SMYD3: variants seen among roughly 807,000 people sequenced by gnomAD.
SMYD3 encodes the protein histone-lysine N-methyltransferase SMYD3.
In SMYD3, 36 loss-of-function variants were observed where a neutral mutation model predicts 57.7. The observed-to-expected ratio is 0.62, with a 90% confidence interval of 0.48 to 0.82. The LOEUF is 0.82. Among genes scored for constraint, SMYD3 ranks in the 40% least tolerant of loss-of-function variants. The pLI is 0.00. For synonymous variants in SMYD3, 211 were observed against 195.0 expected (o/e 1.08, Z -0.68); for missense variants, 515 against 538.8 (o/e 0.96, Z 0.44).
In SMYD3 at chr1:246,355,181, G is replaced by A. The variant is rs539151493; in HGVS notation, c.165-87C>T. ...AGAAAGAAAACATAAGTCAACATAC[G>A]GACACCCGTATGTTCTGTTTACTCC... On this transcript the variant is annotated intron_variant, in intron 1 of 11. Coordinates refer to ENST00000490107, the MANE Select transcript of SMYD3 (RefSeq NM_001167740.2). This position sits in a 1 kb window ranked among gnomAD's most constrained non-coding sequence, Gnocchi z 5.0. 279 of 1,313,598 alleles carry A rather than the reference G, an allele frequency of 2.1e-4. 1 individual carries two copies. In the African/African-American group the frequency reaches 2.7e-3, roughly 12 times the overall value. The allele number at this position is 1,313,598 out of a possible 1,614,324, so 81.4% of individuals were successfully genotyped here. A position where few individuals can be genotyped will look rare whatever the true frequency, so the allele number is the denominator to read the frequency against.
intron 5 of SMYD3, among the ~76,000 whole-genome samples, chr1:246,040,899 C>T (rs2059859017): frequency 6.6e-6 from 1 of 152,052 alleles, no homozygotes; most frequent in Non-Finnish European, 1.5e-5. Flanking sequence ...GTCTTTTTCC[C>T]TCTCTGATAT....
At chr1:246,493,573 C>T (rs1244747469) in intron 1 of SMYD3, among the ~76,000 whole-genome samples, 1 of 152,186 alleles carries the variant, frequency 6.6e-6, no homozygotes. Context: ...TAAGCTTGAT[C>T]CTCAGCAATG....
chr1:245,983,820 C>T (rs2058648542), intron 5 of SMYD3, among the ~76,000 whole-genome samples: 1 of 152,106 alleles, frequency 6.6e-6, no homozygotes, highest in Non-Finnish European at 1.5e-5. Flanking sequence ...TTCAAGGAAT[C>T]AGTAGCAAGA....
At chr1:246,265,677 G>A (rs778065613) in intron 5 of SMYD3, among the ~76,000 whole-genome samples, 51 of 151,134 alleles carry the variant, frequency 3.4e-4, no homozygotes, top group Non-Finnish European at 6.9e-4. Context: ...AAACATGTCA[G>A]AAATATTGTG....
chr1:245,999,124 T>C lies in SMYD3; in HGVS notation c.532-69187A>G, dbSNP rs116318766. ...CACTGAATTATACACTCAGAGATCA[T>C]TCAAATCACAAACTTTATGTTAGAT... On this transcript the variant is annotated intron_variant, in intron 5 of 11. Transcript: ENST00000490107. 3.1e-3 allele frequency among the ~76,000 whole-genome samples: 468 copies of C among 152,012 alleles called. 1 individual carries two copies. Among genetic ancestry groups the C allele is most frequent in the African/African-American group, 0.011 (461 of 41,446 alleles).
At chr1:246,083,051 A>T (rs2060663426) in intron 5 of SMYD3, among the ~76,000 whole-genome samples, 1 of 151,764 alleles carries the variant, frequency 6.6e-6, no homozygotes, top group Admixed American at 6.6e-5. Flanking sequence ...ACAGTCTGAA[A>T]TATGGCCTCC....
rs112535855 is a variant in SMYD3, at chr1:245,976,881, G to A, written c.532-46944C>T. 6.9e-3 allele frequency among the ~76,000 whole-genome samples: 152 copies of A among 21,904 alleles called. 2 individuals are homozygous for A. The highest frequency in any genetic ancestry group is 0.056 in the Middle Eastern group (1 of 18). 14.4% of individuals were successfully genotyped at this position (21,904 alleles called of 152,430 possible). Reference sequence around the variant, plus strand: ...TAGCCTAGGGAAAGCCATCGTCTCCGGCCCAGGGAAAGCCATCGTCTCTAG... The same window carrying A: ...TAGCCTAGGGAAAGCCATCGTCTCCAGCCCAGGGAAAGCCATCGTCTCTAG... On this transcript the variant is annotated intron_variant, in intron 5 of 11. Transcript: ENST00000490107.
chr1:246,018,315 G>A (rs927625046), intron 5 of SMYD3, among the ~76,000 whole-genome samples: 3 of 152,012 alleles, frequency 2.0e-5, no homozygotes, highest in Non-Finnish European at 4.4e-5. Context: ...TCTCCTGCCC[G>A]GCTGCCAGGT....
At chr1:245,967,470 C>T (rs1304045827) in intron 5 of SMYD3, among the ~76,000 whole-genome samples, 3 of 152,114 alleles carry the variant, frequency 2.0e-5, no homozygotes, top group Non-Finnish European at 1.5e-5. Flanking sequence ...ACAAGCCATC[C>T]AAGAAAAGTC....
chr1:246,210,360 A>T (rs977985991), intron 5 of SMYD3, among the ~76,000 whole-genome samples: 3 of 152,150 alleles, frequency 2.0e-5, no homozygotes, highest in Non-Finnish European at 4.4e-5. Context: ...TAAATATGTG[A>T]GAACATAGGC....
chr1:246,043,769 T>C (rs1244630455), intron 5 of SMYD3, among the ~76,000 whole-genome samples: 1 of 152,132 alleles, frequency 6.6e-6, no homozygotes, highest in Non-Finnish European at 1.5e-5. Flanking sequence ...TCTGAGGAGG[T>C]AGTTCTTCCC....
At chr1:246,375,079 T>C (rs6426297) in intron 1 of SMYD3, among the ~76,000 whole-genome samples, 151,672 of 152,282 alleles carry the variant, frequency 1, 75,533 homozygotes, top group Middle Eastern at 1. Flanking sequence ...GGCAACAGAG[T>C]AAGACTCCGT....
chr1:246,261,889 C>G (rs2064020286), intron 5 of SMYD3, among the ~76,000 whole-genome samples: 1 of 152,158 alleles, frequency 6.6e-6, no homozygotes, highest in South Asian at 2.1e-4. Context: ...TCTGGCAATT[C>G]TTAAATCGGA....
At chr1:245,872,002 C>G (rs1420661661) in intron 8 of SMYD3, among the ~76,000 whole-genome samples, 1 of 152,190 alleles carries the variant, frequency 6.6e-6, no homozygotes, top group Non-Finnish European at 1.5e-5. Flanking sequence ...TCTTCCTCAA[C>G]GTAGTCATCC....
At chr1:246,118,642 A>G (rs1031519163) in intron 5 of SMYD3, among the ~76,000 whole-genome samples, 4 of 152,208 alleles carry the variant, frequency 2.6e-5, no homozygotes, top group African/African-American at 9.7e-5. Context: ...AAATCTTTGT[A>G]AATCAACATC....
intron 5 of SMYD3, among the ~76,000 whole-genome samples, chr1:246,154,273 T>G (rs910560171): frequency 1.8e-4 from 27 of 152,218 alleles, no homozygotes; most frequent in African/African-American, 5.8e-4. Context: ...ACATTTCTCT[T>G]ACTAAGTGAA....
At chr1:245,774,699 C>T (rs370194742) in intron 10 of SMYD3, among the ~76,000 whole-genome samples, 4,398 of 116,678 alleles carry the variant, frequency 0.038, 230 homozygotes, top group African/African-American at 0.13. Context: ...CTCCCTCTCC[C>T]TCTCCACGGT....
At chr1:245,815,599 G>A (rs1380213440) in intron 10 of SMYD3, among the ~76,000 whole-genome samples, 1 of 152,228 alleles carries the variant, frequency 6.6e-6, no homozygotes, top group Non-Finnish European at 1.5e-5. Context: ...TATCAACATA[G>A]CCAGATGGCT....
chr1:246,341,698 A>C (rs937538507), intron 2 of SMYD3, among the ~76,000 whole-genome samples: 5 of 152,208 alleles, frequency 3.3e-5, no homozygotes, highest in African/African-American at 4.8e-5. Flanking sequence ...AAATCAATTT[A>C]TTTCTTTCTT....
Sources: gnomAD v4.1 joint callset for allele counts (sites outside exome capture counted in the v4.1 genomes callset) on GRCh38, gnomAD v4.1.1 for gene constraint, Gnocchi (gnomAD v3.1) non-coding constraint, MANE v1.5 for transcripts, NCBI Gene and HGNC (gene_info 2026-07-23, HGNC 2026-07-21) for gene names.